SUSD3: variants seen among roughly 807,000 people sequenced by gnomAD.
The protein encoded by SUSD3 is sushi domain-containing protein 3.
SUSD3 carries 18 observed loss-of-function variants against 20.6 expected under a neutral mutation model. The ratio of observed to expected loss-of-function variants is 0.87; its 90% CI spans 0.60 to 1.30. The LOEUF (loss-of-function observed/expected upper bound fraction) is 1.30, where lower values mean the gene tolerates loss of function less well. SUSD3 is among the 50% of genes most tolerant of loss of function. The pLI is 0.00. For missense variants in SUSD3, 306 were observed against 346.9 expected (o/e 0.88, Z 0.94); for synonymous variants, 137 against 141.5 (o/e 0.97, Z 0.23).
chr9:93,076,006 G>A, intron 2 of SUSD3, 34 bp downstream of exon 2: 1 of 1,550,292 alleles, frequency 6.5e-7, no homozygotes. Flanking sequence ...GTGGCTCTGG[G>A]GGTGGGGGAT....
At chr9:93,080,635 G>A (rs183162518) in intron 4 of SUSD3, among the ~76,000 whole-genome samples, 12 of 152,340 alleles carry the variant, frequency 7.9e-5, no homozygotes, top group Admixed American at 2.6e-4. Flanking sequence ...ACATGGAATG[G>A]GGTCTCTTGG....
At chr9:93,081,005 C>T (rs77625699) in intron 4 of SUSD3, among the ~76,000 whole-genome samples, 5,942 of 152,324 alleles carry the variant, frequency 0.039, 182 homozygotes, top group South Asian at 0.12. Context: ...GTCCCTGCCT[C>T]CCATTCTCAT....
At chr9:93,077,765 C>A in intron 2 of SUSD3, 81 bp from the exon 3 acceptor site, 1 of 1,533,212 alleles carries the variant, frequency 6.5e-7, no homozygotes, top group Non-Finnish European at 8.9e-7. Flanking sequence ...CCTACCCGTA[C>A]CACCCCTGAG....
At chr9:93,065,414 G>A (rs1278839533) in intron 1 of SUSD3, among the ~76,000 whole-genome samples, 1 of 152,244 alleles carries the variant, frequency 6.6e-6, no homozygotes, top group Non-Finnish European at 1.5e-5. Flanking sequence ...TGTTGTGGGT[G>A]CTGGACACAC....
intron 2 of SUSD3, 117 bp downstream of exon 2, chr9:93,076,089 G>A (rs1826149563): frequency 2.3e-6 from 2 of 864,626 alleles, no homozygotes; most frequent in Admixed American, 2.8e-5. Flanking sequence ...AGCTAGGCCA[G>A]TGTGTAGGGT....
At chr9:93,081,211 G>T (rs1364893546) in intron 4 of SUSD3, among the ~76,000 whole-genome samples, 1 of 152,118 alleles carries the variant, frequency 6.6e-6, no homozygotes. Context: ...CATGCTTTCT[G>T]TGCCCATCTC....
chr9:93,083,359 G>T (rs1020082997), intron 4 of SUSD3, among the ~76,000 whole-genome samples: 1 of 152,186 alleles, frequency 6.6e-6, no homozygotes, highest in Non-Finnish European at 1.5e-5. Flanking sequence ...CCTGGGCCCC[G>T]GGCTCCCAGG....
intron 1 of SUSD3, among the ~76,000 whole-genome samples, chr9:93,066,816 C>T (rs1029101633): frequency 3.9e-5 from 6 of 152,144 alleles, no homozygotes; most frequent in African/African-American, 1.4e-4. Context: ...TCAAGCGATT[C>T]CCCTGCCTCA....
chr9:93,075,757 A>ACCC, intron 1 of SUSD3, 27 bp from the exon 2 acceptor site: 3 of 170,728 alleles, frequency 1.8e-5, no homozygotes, highest in South Asian at 7.2e-5. Context: ...CCCCCCCGCC[A>ACCC]TGCCTCATAC....
intron 1 of SUSD3, among the ~76,000 whole-genome samples, chr9:93,065,031 G>A (rs966718133): frequency 1.3e-5 from 2 of 152,192 alleles, no homozygotes; most frequent in Non-Finnish European, 2.9e-5. Flanking sequence ...TGCCCAGACC[G>A]CTCAGCAGTG....
chr9:93,059,301 A>C (rs1299355569), intron 1 of SUSD3, among the ~76,000 whole-genome samples: 1 of 152,032 alleles, frequency 6.6e-6, no homozygotes, highest in East Asian at 1.9e-4. Flanking sequence ...TCCACTTTAC[A>C]GATGGAGAAA....
chr9:93,065,218 T>G (rs1371219642), intron 1 of SUSD3, among the ~76,000 whole-genome samples: 1 of 152,214 alleles, frequency 6.6e-6, no homozygotes, highest in Non-Finnish European at 1.5e-5. Flanking sequence ...ATTTTATGCC[T>G]GGACACGCAC....
chr9:93,067,845 A>G (rs1347964110), intron 1 of SUSD3, among the ~76,000 whole-genome samples: 2 of 152,004 alleles, frequency 1.3e-5, no homozygotes, highest in African/African-American at 4.8e-5. Flanking sequence ...TGATCCAGCC[A>G]CCTCGGCCTC....
In SUSD3 at chr9:93,075,831, C is replaced by T. The variant is rs1587914072; in HGVS notation, c.136C>T (p.Leu46Phe). The stretch of plus-strand genomic sequence containing the variant: ...ACCCCCGCAAGCAACCTTCCAAGTC[C>T]TTCGTGGCAATGGTGCTTCCGTGGG... ...RLPPQATFQVLRGNGASVGTV... is the reference protein window; with the variant it reads ...RLPPQATFQVFRGNGASVGTV... Residue 46 changes from leucine (L) to phenylalanine (F), a missense_variant, in exon 2 of 5, where the codon CTT becomes TTT. Leu to Phe is a conservative substitution (Grantham distance 22). Transcript: ENST00000375472. The T allele has an allele frequency of 6.2e-7, 1 of 1,609,258 alleles. No individual in the cohort carries two copies.
intron 3 of SUSD3, among the ~76,000 whole-genome samples, chr9:93,078,766 AT>A (rs1333020742): frequency 6.6e-5 from 10 of 150,720 alleles, no homozygotes; most frequent in Non-Finnish European, 8.9e-5. Flanking sequence ...TTTTGTTTTT[AT>A]TTTTTATTGT....
At position 93,084,656 on chromosome 9, in the gene SUSD3, T is replaced by C. The variant is rs1448215987; in HGVS notation, c.677T>C (p.Met226Thr). 1.9e-6 allele frequency: 3 copies of C among 1,608,476 alleles called. No homozygotes were observed. The African/African-American group carries it at 4.0e-5, about 21-fold the overall frequency. Residue 226 changes from methionine (M) to threonine (T), a missense_variant, in exon 5 of 5, where the codon ATG (methionine) becomes ACG (threonine). Coordinates refer to ENST00000375472, the MANE Select transcript of SUSD3 (RefSeq NM_145006.4). The stretch of plus-strand genomic sequence containing the variant: ...TCCAGCTCACCCCAAGCCCAGGTGA[T>C]GGTGCACATGGCAAACCCCAGACAG... Reference protein sequence around the residue: ...GSSSSPQAQVMVHMANPRQPL... With the variant: ...GSSSSPQAQVTVHMANPRQPL...
chr9:93,074,616 C>CTTTTTTTTTTT (rs989411910), intron 1 of SUSD3, among the ~76,000 whole-genome samples: 1 of 96,352 alleles, frequency 1.0e-5, no homozygotes, highest in African/African-American at 4.6e-5. Flanking sequence ...GCAGCAGATT[C>CTTTTTTTTTTT]TTTTTTTTTT....
intron 1 of SUSD3, among the ~76,000 whole-genome samples, chr9:93,075,411 C>CT (rs58393196): frequency 0.028 from 2,819 of 101,098 alleles, 63 homozygotes; most frequent in East Asian, 0.072. Context: ...CTCTGTCCCT[C>CT]TTTTTTTTTT....
chr9:93,074,404 C>T (rs1279835109), intron 1 of SUSD3, among the ~76,000 whole-genome samples: 1 of 142,642 alleles, frequency 7.0e-6, no homozygotes, highest in Non-Finnish European at 1.5e-5. Flanking sequence ...CACACTCCAG[C>T]CTGGGCGACA....
Sources: gnomAD v4.1 joint callset for allele counts (sites outside exome capture counted in the v4.1 genomes callset) on GRCh38, gnomAD v4.1.1 for gene constraint, MANE v1.5 for transcripts, NCBI Gene and HGNC (gene_info 2026-07-23, HGNC 2026-07-21) for gene names.